The following SCAPER variants were observed in gnomAD, a reference collection of about 807,000 sequenced individuals.
SCAPER encodes the protein S phase cyclin A-associated protein in the endoplasmic reticulum.
SCAPER carries 98 observed loss-of-function variants against 182.2 expected under a neutral mutation model. The observed-to-expected ratio is 0.54, with a 90% CI of 0.46 to 0.64. The LOEUF is 0.64. Ranked by LOEUF, SCAPER falls within the 30% of genes least tolerant of loss-of-function variation. The pLI is 0.00. For synonymous variants in SCAPER, 605 were observed against 564.6 expected (o/e 1.07, Z -1.01); for missense variants, 1,432 against 1,690.0 (o/e 0.85, Z 2.68).
chr15:76,369,341 T>A (rs973012517), intron 29 of SCAPER, among the ~76,000 whole-genome samples: 3 of 152,218 alleles, frequency 2.0e-5, no homozygotes, highest in Admixed American at 1.3e-4. Context: ...ATTAAATGAA[T>A]TGAGCATCTA....
intron 1 of SCAPER, among the ~76,000 whole-genome samples, chr15:76,900,600 C>T (rs2074726656): frequency 6.6e-6 from 1 of 152,144 alleles, no homozygotes. Context: ...TGAAGTCTCA[C>T]TTGTCTTATT....
intron 25 of SCAPER, among the ~76,000 whole-genome samples, chr15:76,468,538 A>G (rs1329097902): frequency 6.6e-6 from 1 of 152,138 alleles, no homozygotes; most frequent in Non-Finnish European, 1.5e-5. Flanking sequence ...GAAGAAGAAA[A>G]TGATCAAGGT....
chr15:76,790,478 ACTT>A (rs1288210214), intron 8 of SCAPER, among the ~76,000 whole-genome samples: 1 of 152,220 alleles, frequency 6.6e-6, no homozygotes, highest in African/African-American at 2.4e-5. Context: ...TTTTAAAAAT[ACTT>A]CTAAGTTCTC....
At chr15:76,773,824 C>A (rs906103123) in intron 9 of SCAPER, among the ~76,000 whole-genome samples, 46 of 151,706 alleles carry the variant, frequency 3.0e-4, no homozygotes, top group Admixed American at 2.8e-3. Flanking sequence ...GATATTACAA[C>A]CATTTTACAA....
At chr15:76,406,845 G>A (rs2044878982) in intron 26 of SCAPER, among the ~76,000 whole-genome samples, 2 of 152,120 alleles carry the variant, frequency 1.3e-5, no homozygotes, top group Non-Finnish European at 1.5e-5. Flanking sequence ...ATGTGCTTCA[G>A]GACAGTCAAA....
chr15:76,564,830 G>T (rs962369301), intron 23 of SCAPER, among the ~76,000 whole-genome samples: 1 of 151,874 alleles, frequency 6.6e-6, no homozygotes, highest in Non-Finnish European at 1.5e-5. Context: ...ACACATAGAC[G>T]AATGGAACAG....
chr15:76,750,947 T>A (rs2062051055), intron 15 of SCAPER, among the ~76,000 whole-genome samples: 1 of 151,800 alleles, frequency 6.6e-6, no homozygotes, highest in African/African-American at 2.4e-5. Flanking sequence ...TAAGATTATC[T>A]TTGTTCACAG....
At chr15:76,863,724 G>A (rs1043758905) in intron 2 of SCAPER, among the ~76,000 whole-genome samples, 13 of 152,076 alleles carry the variant, frequency 8.5e-5, no homozygotes, top group Admixed American at 2.0e-4. Context: ...TCCACTCCCC[G>A]TGAATATGCC....
intron 1 of SCAPER, among the ~76,000 whole-genome samples, chr15:76,887,840 A>AG (rs1193110982): frequency 6.6e-6 from 1 of 152,208 alleles, no homozygotes; most frequent in Non-Finnish European, 1.5e-5. Flanking sequence ...GAGGACAGAC[A>AG]GACTGCCTCC....
chr15:76,444,328 T>A (rs1054552257), intron 25 of SCAPER, among the ~76,000 whole-genome samples: 3 of 152,326 alleles, frequency 2.0e-5, no homozygotes, highest in Middle Eastern at 3.4e-3. Flanking sequence ...TTTTTAGGGA[T>A]GAATTAGGTG....
Position 76,854,803 on chromosome 15 carries a change from C to CAAAA in SCAPER, c.195+3002_195+3005dup, listed in dbSNP as rs35484908. Among the ~76,000 whole-genome samples the CAAAA allele has an allele frequency of 6.8e-5, 8 of 118,346 alleles. No individual in the cohort carries two copies. In the South Asian group the frequency reaches 1.2e-3, roughly 18 times the overall value. The allele number at this position is 118,346 out of a possible 152,430, so 77.6% of individuals were successfully genotyped here. On this transcript the variant is annotated intron_variant, in intron 4 of 31. Transcript: ENST00000563290. ...TGAAACCCCATCTCTACTAAAAATA[C>CAAAA]AAAAAAAAAAAAAAAAAAATTAGCC...
In SCAPER at chr15:76,771,861, T is replaced by A. The variant is rs1199534213; in HGVS notation, c.1129A>T (p.Thr377Ser). 1 of 1,613,058 alleles carries A rather than the reference T, an allele frequency of 6.2e-7. No individual in the cohort carries two copies. Among genetic ancestry groups the A allele is most frequent in the Non-Finnish European group, 8.5e-7 (1 of 1,179,378 alleles). Residue 377 changes from threonine to serine, a missense_variant, in exon 10 of 32, where the codon ACA becomes TCA. Physicochemically the swap from Thr to Ser is moderately conservative, Grantham distance 58 (BLOSUM62 1). Transcript: ENST00000563290. ...TGCAGCATAACTGAAACACACTCTG[T>A]ATCAATGTGGACAGCAGATATTTCA... ...TSEISAVHID[T>S]ECVSVMLQAG... is the part of the protein sequence containing the mutation.
chr15:76,609,879 T>G (rs912328220), intron 22 of SCAPER, among the ~76,000 whole-genome samples: 2 of 152,198 alleles, frequency 1.3e-5, no homozygotes, highest in African/African-American at 4.8e-5. Context: ...AGTACTTCTT[T>G]TTTTTTCCCC....
chr15:76,611,185 G>A (rs1360359021), intron 22 of SCAPER, among the ~76,000 whole-genome samples: 1 of 151,830 alleles, frequency 6.6e-6, no homozygotes, highest in Non-Finnish European at 1.5e-5. Flanking sequence ...TTCAACAAAT[G>A]GTGTTAGGAA....
At chr15:76,732,574 T>C (rs2060979465) in intron 16 of SCAPER, among the ~76,000 whole-genome samples, 1 of 152,106 alleles carries the variant, frequency 6.6e-6, no homozygotes, top group African/African-American at 2.4e-5. Flanking sequence ...AAGCGGACCG[T>C]GGTCTAGCGG....
At chr15:76,734,101 C>T (rs764236082) in intron 15 of SCAPER, among the ~76,000 whole-genome samples, 4 of 152,094 alleles carry the variant, frequency 2.6e-5, no homozygotes, top group Non-Finnish European at 5.9e-5. Context: ...TTTGAAAGGA[C>T]AAAATGTAAA....
chr15:76,451,829 A>G (rs907095868), intron 25 of SCAPER, among the ~76,000 whole-genome samples: 3 of 152,222 alleles, frequency 2.0e-5, no homozygotes, highest in African/African-American at 7.2e-5. Context: ...ATGCCTTGCT[A>G]TATGTAAATA....
intron 5 of SCAPER, among the ~76,000 whole-genome samples, chr15:76,833,691 CA>C (rs943030962): frequency 6.6e-6 from 1 of 151,030 alleles, no homozygotes; most frequent in Admixed American, 6.6e-5. Context: ...AAACAGAAAA[CA>C]AAAAAAACAG....
At chr15:76,804,686 TTGAAGAAAAAAA>T in intron 5 of SCAPER, 53 bp from the exon 6 acceptor site, 1 of 1,189,544 alleles carries the variant, frequency 8.4e-7, no homozygotes, top group Non-Finnish European at 1.2e-6. Context: ...ACTAAAAACT[TTGAAGAAAAAAA>T]AGAGTGAACA....
Sources: allele counts gnomAD v4.1 joint callset (sites outside exome capture counted in the v4.1 genomes callset), GRCh38; gene constraint gnomAD v4.1.1; transcripts MANE v1.5; gene names NCBI Gene and HGNC (gene_info 2026-07-23, HGNC 2026-07-21).